KIAA1958: variants seen among roughly 807,000 people sequenced by gnomAD.
KIAA1958 encodes the protein uncharacterized protein KIAA1958.
Under a neutral mutation model 47.2 loss-of-function variants are expected in KIAA1958, and 14 were observed. The observed-to-expected ratio is 0.30, with a 90% CI of 0.20 to 0.46. KIAA1958 has a LOEUF of 0.46. Among genes scored for constraint, KIAA1958 ranks in the 20% least tolerant of loss-of-function variants. The probability of loss-of-function intolerance (pLI) is 1.00; values close to 1 mark genes in which losing one functional copy is unlikely to be tolerated. For missense variants in KIAA1958, 803 were observed against 909.2 expected, an observed-to-expected ratio of 0.88 and a Z score of 1.50; for synonymous variants, 354 against 353.3, an observed-to-expected ratio of 1.00 and a Z score of -0.02.
In KIAA1958 at chr9:112,618,909, C is replaced by A; in HGVS notation, c.1172-26741C>A. On this transcript the variant is annotated intron_variant, in intron 2 of 3. Coordinates refer to ENST00000337530, the MANE Select transcript of KIAA1958 (RefSeq NM_133465.4). The surrounding 1 kb of genome is among the most constrained non-coding windows in gnomAD (Gnocchi z 7.1). Reference sequence around the variant, plus strand: ...GCCTCCTATGACTCTTCCTCAGACACCGCTTGACCAGGTGGCTTGAGCAAG... The same window carrying A: ...GCCTCCTATGACTCTTCCTCAGACAACGCTTGACCAGGTGGCTTGAGCAAG... 6.5e-7 allele frequency: 1 copy of A among 1,527,912 alleles called. No individual in the cohort carries two copies. The highest frequency in any genetic ancestry group is 8.8e-7 in the Non-Finnish European group (1 of 1,130,752). 94.6% of individuals were successfully genotyped at this position (1,527,912 alleles called of 1,614,324 possible). A position where few individuals can be genotyped will look rare whatever the true frequency, so the allele number is the denominator to read the frequency against.
At chr9:112,606,273 G>A (rs568380686) in intron 2 of KIAA1958, among the ~76,000 whole-genome samples, 1 of 152,066 alleles carries the variant, frequency 6.6e-6, no homozygotes, top group East Asian at 1.9e-4. Flanking sequence ...TGTTGATTAG[G>A]CTTTTGGGTA....
At chr9:112,593,922 T>C (rs947215788) in intron 2 of KIAA1958, among the ~76,000 whole-genome samples, 5 of 152,032 alleles carry the variant, frequency 3.3e-5, no homozygotes, top group African/African-American at 1.2e-4. Flanking sequence ...TGGAGTCCAG[T>C]GGCATGATCA....
intron 2 of KIAA1958, among the ~76,000 whole-genome samples, chr9:112,620,226 T>C (rs1423013798): frequency 1.1e-4 from 17 of 152,196 alleles, no homozygotes; most frequent in Admixed American, 1.1e-3. Context: ...ATTTAGACTT[T>C]AGAGCCACAA....
rs1057324492 is a variant in KIAA1958 at position 112,666,759 on chromosome 9, T to C, written c.*6690T>C. On this transcript the variant is annotated 3_prime_UTR_variant, in exon 4 of 4. Transcript: ENST00000337530. ...TGAAAGCTATTTAGTACTTGTCCTC[T>C]TCCCCAATCATGCCTGTCACCTTAC... 6.6e-6 allele frequency: 1 copy of C among 152,220 alleles called. No homozygotes were observed. Among genetic ancestry groups the C allele is most frequent in the African/African-American group, 2.4e-5 (1 of 41,468 alleles). 9.4% of individuals were successfully genotyped at this position (152,220 alleles called of 1,614,324 possible).
At chr9:112,508,918 T>G (rs1469809493) in intron 1 of KIAA1958, among the ~76,000 whole-genome samples, 1 of 152,152 alleles carries the variant, frequency 6.6e-6, no homozygotes, top group Non-Finnish European at 1.5e-5. Flanking sequence ...TATAGTACTT[T>G]TGCAAAATGA....
rs1325945233 is a variant in KIAA1958 at position 112,575,185 on chromosome 9, T to G, written c.1105T>G (p.Ser369Ala). The G allele has an allele frequency of 6.3e-7, 1 of 1,591,746 alleles. No individual in the cohort carries two copies. The highest frequency in any genetic ancestry group is 1.3e-5 in the African/African-American group (1 of 74,784). Residue 369 changes from serine to alanine, a missense_variant, in exon 2 of 4, where the codon TCC becomes GCC. By Grantham distance (99) the Ser-to-Ala change is moderately conservative (BLOSUM62 1). Around this residue, in one of 2 missense-constraint regions of KIAA1958, gnomAD observed 761 missense variants for 829.3 expected, o/e 0.92. Coordinates refer to ENST00000337530, the MANE Select transcript of KIAA1958 (RefSeq NM_133465.4). Reference sequence around the variant, plus strand: ...AGTTAACACAGAGCCAGAAGTGAGCTCCAGTCAGCAGCAGCCCCCAGTCGC... The same window carrying G: ...AGTTAACACAGAGCCAGAAGTGAGCGCCAGTCAGCAGCAGCCCCCAGTCGC... The part of the protein sequence containing the change: ...PSVNTEPEVS[S>A]SQQQPPVAPA...
chr9:112,665,761 A>T lies in KIAA1958; in HGVS notation c.*5692A>T, dbSNP rs1837345061. The T allele has an allele frequency of 6.6e-6, 1 of 152,166 alleles. No homozygotes were observed. Among genetic ancestry groups the T allele is most frequent in the Non-Finnish European group, 1.5e-5 (1 of 68,028 alleles). 9.4% of individuals were successfully genotyped at this position (152,166 alleles called of 1,614,324 possible). A position where few individuals can be genotyped will look rare whatever the true frequency, so the allele number is the denominator to read the frequency against. On this transcript the variant is annotated 3_prime_UTR_variant, in exon 4 of 4. Transcript: ENST00000337530. ...TCTGTCTTTATCCAATAAGTAATTTATATTACCTGTCATCTACCTTAAAGG... is the reference window on the plus strand; with the variant it reads ...TCTGTCTTTATCCAATAAGTAATTTTTATTACCTGTCATCTACCTTAAAGG...
At chr9:112,544,446 T>G (rs1277939888) in intron 1 of KIAA1958, among the ~76,000 whole-genome samples, 3 of 152,242 alleles carry the variant, frequency 2.0e-5, no homozygotes, top group Non-Finnish European at 2.9e-5. Context: ...TTTAATGCTG[T>G]ATTTCTGACA....
chr9:112,527,554 T>C (rs73545781), intron 1 of KIAA1958, among the ~76,000 whole-genome samples: 239 of 152,282 alleles, frequency 1.6e-3, no homozygotes, highest in African/African-American at 5.5e-3. Context: ...GGTTTTAAAC[T>C]GGGAATAGGA....
intron 1 of KIAA1958, among the ~76,000 whole-genome samples, chr9:112,525,590 G>A (rs1834624825): frequency 6.6e-6 from 1 of 152,098 alleles, no homozygotes; most frequent in South Asian, 2.1e-4. Flanking sequence ...CTTTATCGGT[G>A]TTTATTGCTG....
Position 112,660,201 on chromosome 9 carries a change from C to T in KIAA1958, c.*132C>T. 1 of 689,534 alleles carries T rather than the reference C, an allele frequency of 1.5e-6. No individual in the cohort carries two copies. The highest frequency in any genetic ancestry group is 2.4e-6 in the Non-Finnish European group (1 of 408,878). 42.7% of individuals were successfully genotyped at this position (689,534 alleles called of 1,614,324 possible). ...TCTGGCGGCTCTCCCCTGGTGTGGCCTGCCCTCCCTTTGACTTGGGGTTTG... is the reference window on the plus strand; with the variant it reads ...TCTGGCGGCTCTCCCCTGGTGTGGCTTGCCCTCCCTTTGACTTGGGGTTTG... On this transcript the variant is annotated 3_prime_UTR_variant, in exon 4 of 4. Coordinates refer to ENST00000337530, the MANE Select transcript of KIAA1958 (RefSeq NM_133465.4).
At chr9:112,587,408 C>G (rs912890679) in intron 2 of KIAA1958, among the ~76,000 whole-genome samples, 2 of 152,196 alleles carry the variant, frequency 1.3e-5, no homozygotes, top group Admixed American at 6.5e-5. Flanking sequence ...CTTTGGCCCC[C>G]CAAAGTGCTG....
intron 1 of KIAA1958, among the ~76,000 whole-genome samples, chr9:112,563,512 T>C (rs935912235): frequency 6.6e-6 from 1 of 152,186 alleles, no homozygotes; most frequent in Non-Finnish European, 1.5e-5. Context: ...TTAAATATAA[T>C]TTTTAAATAT....
chr9:112,526,926 T>C (rs1204191140), intron 1 of KIAA1958, among the ~76,000 whole-genome samples: 1 of 152,226 alleles, frequency 6.6e-6, no homozygotes, highest in African/African-American at 2.4e-5. Flanking sequence ...CGGGAGGTAC[T>C]GAACAAGTTG....
chr9:112,619,022 T>C (rs537118908), intron 2 of KIAA1958: 12 of 1,146,020 alleles, frequency 1.0e-5, no homozygotes, highest in Non-Finnish European at 1.3e-5. Flanking sequence ...TAATTCACTT[T>C]ATAAAAATAT....
chr9:112,618,070 G>C lies in KIAA1958; in HGVS notation c.1172-27580G>C. The C allele has an allele frequency of 6.4e-7, 1 of 1,550,592 alleles. No individual in the cohort carries two copies. The highest frequency in any genetic ancestry group is 8.7e-7 in the Non-Finnish European group (1 of 1,146,998). On this transcript the variant is annotated intron_variant, in intron 2 of 3. Coordinates refer to ENST00000337530, the MANE Select transcript of KIAA1958 (RefSeq NM_133465.4). The surrounding 1 kb of genome is among the most constrained non-coding windows in gnomAD (Gnocchi z 7.1). ...TTGTTGATGCCAGGCAGAAGGATGG[G>C]TCCGAATACGAACCCAACAGCTTGG...
intron 1 of KIAA1958, among the ~76,000 whole-genome samples, chr9:112,493,500 C>T (rs949378601): frequency 1.3e-5 from 2 of 152,154 alleles, no homozygotes; most frequent in East Asian, 3.8e-4. Flanking sequence ...TCCCATTTTC[C>T]ATACATAATC....
At chr9:112,572,114 A>G (rs978323456) in intron 1 of KIAA1958, among the ~76,000 whole-genome samples, 2 of 152,098 alleles carry the variant, frequency 1.3e-5, no homozygotes, top group South Asian at 2.1e-4. Flanking sequence ...TTCCGTTTAC[A>G]TGGCTGCTTC....
At chr9:112,593,112 T>A (rs1017474915) in intron 2 of KIAA1958, among the ~76,000 whole-genome samples, 5 of 152,234 alleles carry the variant, frequency 3.3e-5, no homozygotes, top group Non-Finnish European at 7.3e-5. Flanking sequence ...TTTTTGGTTT[T>A]AATTTTTGTA....
Sources: allele counts gnomAD v4.1 joint callset (sites outside exome capture counted in the v4.1 genomes callset), GRCh38; gene constraint gnomAD v4.1.1; regional missense constraint gnomAD v4.1.1; non-coding constraint Gnocchi (gnomAD v3.1); transcripts MANE v1.5; gene names NCBI Gene and HGNC (gene_info 2026-07-23, HGNC 2026-07-21).